Variants in EXD1 observed in about 807,000 individuals in gnomAD.
The protein encoded by EXD1 is exonuclease 3'-5' domain containing 1, also known as piRNA biogenesis protein EXD1.
Under a neutral mutation model 49.1 loss-of-function variants are expected in EXD1, and 63 were observed. That is an observed-to-expected ratio of 1.28 (90% CI 1.05 to 1.58). The LOEUF (loss-of-function observed/expected upper bound fraction) is 1.58, where lower values mean the gene tolerates loss of function less well. Ranked by LOEUF, EXD1 falls within the 40% of genes most tolerant of loss-of-function variation. The pLI is 0.00. For missense variants in EXD1, 748 were observed against 666.0 expected, an observed-to-expected ratio of 1.12 and a Z score of -1.36; for synonymous variants, 234 against 239.2, an observed-to-expected ratio of 0.98 and a Z score of 0.20.
chr15:41,191,333 T>C, intron 10 of EXD1, 109 bp downstream of exon 10: 1 of 1,028,064 alleles, frequency 9.7e-7, no homozygotes, highest in Non-Finnish European at 1.4e-6. Context: ...TTTGGCAATG[T>C]TCATATGATA....
At chr15:41,187,789 G>A (rs1249356326) in intron 11 of EXD1, among the ~76,000 whole-genome samples, 2 of 152,016 alleles carry the variant, frequency 1.3e-5, no homozygotes, top group African/African-American at 4.8e-5. Flanking sequence ...GCCGAGGCGG[G>A]TGGATCACCT....
At chr15:41,192,427 G>T (rs1422171105) in intron 9 of EXD1, among the ~76,000 whole-genome samples, 5 of 151,766 alleles carry the variant, frequency 3.3e-5, no homozygotes, top group African/African-American at 1.2e-4. Flanking sequence ...CTCCCGAGTA[G>T]CTGTGATTAC....
At chr15:41,193,808 T>C (rs1367507901) in intron 9 of EXD1, among the ~76,000 whole-genome samples, 3 of 151,736 alleles carry the variant, frequency 2.0e-5, no homozygotes, top group African/African-American at 7.3e-5. Flanking sequence ...GAAAAGCTAA[T>C]AAAATAAATA....
At chr15:41,225,432 A>G (rs2140908667) in intron 2 of EXD1, among the ~76,000 whole-genome samples, 1 of 152,038 alleles carries the variant, frequency 6.6e-6, no homozygotes, top group African/African-American at 2.4e-5. Flanking sequence ...TAAAAATACA[A>G]AAATTAGCCA....
intron 2 of EXD1, among the ~76,000 whole-genome samples, chr15:41,220,687 G>C (rs2047074465): frequency 1.3e-5 from 2 of 152,194 alleles, no homozygotes; most frequent in African/African-American, 4.8e-5. Flanking sequence ...GAGAAGGTTA[G>C]ATGCCATGTC....
chr15:41,214,982 T>A (rs1349652783), intron 6 of EXD1, among the ~76,000 whole-genome samples: 1 of 152,104 alleles, frequency 6.6e-6, no homozygotes, highest in African/African-American at 2.4e-5. Context: ...CCTGACCTCG[T>A]GATCCACCCG....
intron 7 of EXD1, among the ~76,000 whole-genome samples, chr15:41,198,000 G>A (rs931574068): frequency 6.6e-6 from 1 of 151,962 alleles, no homozygotes; most frequent in Non-Finnish European, 1.5e-5. Context: ...CTCCAGCCTG[G>A]AGGACAAGAG....
intron 1 of EXD1, among the ~76,000 whole-genome samples, chr15:41,229,332 G>A (rs1054312816): frequency 6.6e-6 from 1 of 152,028 alleles, no homozygotes; most frequent in African/African-American, 2.4e-5. Flanking sequence ...ACAAAAATTA[G>A]CTGGGCGTGG....
chr15:41,205,092 A>C (rs1398358328), intron 7 of EXD1, among the ~76,000 whole-genome samples: 8 of 152,162 alleles, frequency 5.3e-5, no homozygotes, highest in African/African-American at 9.7e-5. Flanking sequence ...TGTATCTTTG[A>C]GTCTTCGTTC....
chr15:41,187,681 C>T (rs1216707396), intron 11 of EXD1, among the ~76,000 whole-genome samples: 1 of 151,972 alleles, frequency 6.6e-6, no homozygotes, highest in East Asian at 1.9e-4. Flanking sequence ...AATCCAATGA[C>T]ACATTAAAAA....
chr15:41,191,723 T>C, intron 9 of EXD1, 138 bp from the exon 10 acceptor site: 1 of 814,978 alleles, frequency 1.2e-6, no homozygotes, highest in Non-Finnish European at 1.8e-6. Context: ...TCGGAAAATT[T>C]AAAGTTGTTC....
intron 11 of EXD1, among the ~76,000 whole-genome samples, chr15:41,185,390 G>C (rs185267168): frequency 2.3e-3 from 348 of 151,876 alleles, no homozygotes; most frequent in Non-Finnish European, 4.4e-3. Flanking sequence ...CTGTTGCCTT[G>C]GCTGGAGTGC....
intron 11 of EXD1, among the ~76,000 whole-genome samples, chr15:41,189,627 C>T (rs1037102346): frequency 6.6e-6 from 1 of 151,884 alleles, no homozygotes; most frequent in South Asian, 2.1e-4. Context: ...CATGTCATTG[C>T]ACTCCAGCCT....
intron 7 of EXD1, among the ~76,000 whole-genome samples, chr15:41,202,263 C>A (rs1057081261): frequency 6.6e-6 from 1 of 151,934 alleles, no homozygotes; most frequent in East Asian, 1.9e-4. Flanking sequence ...CAGCCTCTGC[C>A]TCCCGGGTTC....
rs982831015 is a variant in EXD1 at position 41,220,554 on chromosome 15, G to A, written c.134-656C>T. 1.2e-3 allele frequency among the ~76,000 whole-genome samples: 185 copies of A among 151,346 alleles called. 1 individual carries two copies. The highest frequency in any genetic ancestry group is 4.2e-3 in the African/African-American group (175 of 41,292). On this transcript the variant is annotated intron_variant, in intron 2 of 11. Transcript: ENST00000458580. Reference sequence around the variant, plus strand: ...ATTACAGGTGTGAGCCACCGCACCCGGCCAAGGCAGCCCACAACTTCTAGT... The same window carrying A: ...ATTACAGGTGTGAGCCACCGCACCCAGCCAAGGCAGCCCACAACTTCTAGT...
intron 2 of EXD1, among the ~76,000 whole-genome samples, chr15:41,226,100 A>G (rs2047161243): frequency 6.6e-6 from 1 of 151,088 alleles, no homozygotes; most frequent in Admixed American, 6.6e-5. Context: ...AAAATACAAA[A>G]AATTTGCTGG....
intron 2 of EXD1, among the ~76,000 whole-genome samples, chr15:41,221,541 G>C (rs886970190): frequency 6.6e-6 from 1 of 151,626 alleles, no homozygotes; most frequent in Non-Finnish European, 1.5e-5. Context: ...CCCAAAAGTC[G>C]TGGGATTACA....
chr15:41,202,251 T>C lies in EXD1; in HGVS notation c.535-6214A>G, dbSNP rs1219517177. On this transcript the variant is annotated intron_variant, in intron 7 of 11. Transcript: ENST00000458580. Reference sequence around the variant, plus strand: ...TTGCAGTGGCGTGATCTCGGCTCACTGCAGCCTCTGCCTCCCGGGTTCAAG... The same window carrying C: ...TTGCAGTGGCGTGATCTCGGCTCACCGCAGCCTCTGCCTCCCGGGTTCAAG... Among the ~76,000 whole-genome samples, 12 of 152,142 alleles carry C rather than the reference T, an allele frequency of 7.9e-5. No individual in the cohort carries two copies. In the East Asian group the frequency reaches 2.3e-3, roughly 29 times the overall value.
intron 7 of EXD1, among the ~76,000 whole-genome samples, chr15:41,199,080 C>T (rs561200224): frequency 3.7e-4 from 57 of 152,224 alleles, no homozygotes; most frequent in South Asian, 2.7e-3. Context: ...CTGCCTCAGC[C>T]TCCCAAGTAG....
Sources: gnomAD v4.1 joint callset for allele counts (sites outside exome capture counted in the v4.1 genomes callset) on GRCh38, gnomAD v4.1.1 for gene constraint, MANE v1.5 for transcripts, NCBI Gene and HGNC (gene_info 2026-07-23, HGNC 2026-07-21) for gene names.